Variants in CPNE1 observed in about 807,000 individuals in gnomAD.
CPNE1 encodes copine-1.
CPNE1 carries 58 observed loss-of-function variants against 63.2 expected under a neutral mutation model. The observed-to-expected ratio is 0.92, with a 90% CI of 0.74 to 1.14. The LOEUF is 1.14. Among genes scored for constraint, CPNE1 ranks in the 50% most tolerant of loss-of-function variants. The pLI is 0.00. For missense variants in CPNE1, 672 were observed against 661.7 expected (o/e 1.02, Z -0.17); for synonymous variants, 237 against 249.0 (o/e 0.95, Z 0.45).
chr20:35,647,735 AAACCC>A (rs1165989384), intron 1 of CPNE1, among the ~76,000 whole-genome samples: 1 of 152,052 alleles, frequency 6.6e-6, no homozygotes, highest in African/African-American at 2.4e-5. Flanking sequence ...CACCAAGAAT[AAACCC>A]AAGAACAGCA....
intron 1 of CPNE1, among the ~76,000 whole-genome samples, chr20:35,642,739 AC>A (rs1452834914): frequency 1.3e-5 from 2 of 152,194 alleles, no homozygotes; most frequent in African/African-American, 4.8e-5. Flanking sequence ...ATAAAACTAC[AC>A]ATTCCTTATT....
At chr20:35,657,662 G>A (rs147655407) in intron 1 of CPNE1, among the ~76,000 whole-genome samples, 29 of 152,300 alleles carry the variant, frequency 1.9e-4, no homozygotes, top group African/African-American at 5.5e-4. Flanking sequence ...ATCTGCCTCA[G>A]ATTACCAGCT....
intron 1 of CPNE1, chr20:35,652,665 C>T (rs1405054097): frequency 6.2e-7 from 1 of 1,614,082 alleles, no homozygotes; most frequent in Non-Finnish European, 8.5e-7. Flanking sequence ...ATTTTAAACA[C>T]ACTGAGCCTG....
intron 1 of CPNE1, among the ~76,000 whole-genome samples, chr20:35,641,148 T>C (rs1253775346): frequency 6.6e-6 from 1 of 152,202 alleles, no homozygotes; most frequent in African/African-American, 2.4e-5. Flanking sequence ...AACTTAAAAT[T>C]CACAAAATGT....
intron 1 of CPNE1, chr20:35,664,458 T>C (rs1007044721): frequency 6.6e-6 from 1 of 152,376 alleles, no homozygotes; most frequent in Non-Finnish European, 1.5e-5. Flanking sequence ...CAGTCCCCGT[T>C]AGCTCGCAGG....
intron 1 of CPNE1, among the ~76,000 whole-genome samples, chr20:35,633,859 T>C (rs1278127479): frequency 6.7e-6 from 1 of 149,696 alleles, no homozygotes; most frequent in African/African-American, 2.5e-5. Flanking sequence ...CTCAGGAGGC[T>C]GAGGCAGGAG....
Position 35,626,209 on chromosome 20 carries a change from G to C in CPNE1, c.*32C>G. 1.2e-6 allele frequency: 2 copies of C among 1,613,218 alleles called. No homozygotes were observed. Among genetic ancestry groups the C allele is most frequent in the South Asian group, 2.2e-5 (2 of 91,038 alleles). ...GCCCAGAGGGACCTCTGGGACACAG[G>C]ATTGAGGACTTGCCACAGCCTCCAA... On this transcript the variant is annotated 3_prime_UTR_variant, in exon 16 of 16. Coordinates refer to ENST00000397443, the MANE Select transcript of CPNE1 (RefSeq NM_152925.3).
chr20:35,655,180 G>A (rs1226014565), intron 1 of CPNE1: 3 of 1,613,992 alleles, frequency 1.9e-6, no homozygotes, highest in Non-Finnish European at 1.7e-6. Flanking sequence ...TTCATCAGTG[G>A]CAAAAACGAT....
chr20:35,631,821 C>T (rs1213444930), intron 6 of CPNE1, 44 bp from the exon 7 acceptor site: 3 of 1,566,018 alleles, frequency 1.9e-6, no homozygotes, highest in Admixed American at 1.7e-5. Flanking sequence ...TGGCATGGCC[C>T]CCTGAGGAGC....
At chr20:35,638,098 ATGGGGTCCTT>A (rs1555877450) in intron 1 of CPNE1, among the ~76,000 whole-genome samples, 1 of 152,166 alleles carries the variant, frequency 6.6e-6, no homozygotes, top group Non-Finnish European at 1.5e-5. Flanking sequence ...CCTGTAAACT[ATGGGGTCCTT>A]GAACTAGGGC....
intron 1 of CPNE1, among the ~76,000 whole-genome samples, chr20:35,639,447 C>A (rs2032678631): frequency 6.6e-6 from 1 of 152,168 alleles, no homozygotes. Flanking sequence ...AGCGATTCTC[C>A]CACTACAGCC....
chr20:35,626,305 C>A lies in CPNE1; in HGVS notation c.1550G>T (p.Gly517Val), dbSNP rs146046800. 95 of 1,613,938 alleles carry A rather than the reference C, an allele frequency of 5.9e-5. No individual in the cohort carries two copies. The African/African-American group carries it at 1.2e-3, about 20-fold the overall frequency. Reference sequence around the variant, plus strand: ...TGGAAGTGGCTTGAGCGGGGCCCAACCCTGGGCCCTGAAGTATGAGACCAG... The same window carrying A: ...TGGAAGTGGCTTGAGCGGGGCCCAAACCTGGGCCCTGAAGTATGAGACCAG... ...TQLVSYFRAQ[G>V]WAPLKPLPPS... is the part of the protein sequence containing the mutation. The change falls in exon 16 of 16, where the codon GGT becomes GTT. Residue 517 changes from glycine to valine, a missense_variant. Physicochemically the swap from Gly to Val is moderately radical, Grantham distance 109. Coordinates refer to ENST00000397443, the MANE Select transcript of CPNE1 (RefSeq NM_152925.3).
At chr20:35,643,210 C>A (rs2032911356) in intron 1 of CPNE1, 1 of 162,212 alleles carries the variant, frequency 6.2e-6, no homozygotes, top group Non-Finnish European at 1.5e-5. Context: ...GCTGATCTGG[C>A]TGACTAGGTG....
At chr20:35,653,074 G>C (rs1405486053) in intron 1 of CPNE1, 1 of 1,613,938 alleles carries the variant, frequency 6.2e-7, no homozygotes, top group Non-Finnish European at 8.5e-7. Context: ...ACCAGGCCTA[G>C]CATCACCAAA....
intron 1 of CPNE1, chr20:35,650,363 T>C (rs1414618176): frequency 2.6e-5 from 4 of 152,370 alleles, no homozygotes; most frequent in Non-Finnish European, 4.4e-5. Context: ...TGTACGAACA[T>C]ATAACCAAAA....
At chr20:35,656,270 G>A (rs2033891317) in intron 1 of CPNE1, among the ~76,000 whole-genome samples, 1 of 151,970 alleles carries the variant, frequency 6.6e-6, no homozygotes, top group South Asian at 2.1e-4. Context: ...GAATTACTCA[G>A]TGGTTGTTAC....
intron 1 of CPNE1, chr20:35,653,093 C>T: frequency 4.3e-6 from 7 of 1,613,878 alleles, no homozygotes; most frequent in Non-Finnish European, 5.9e-6. Context: ...AAGGCCCCGC[C>T]TCCTAATCCT....
intron 1 of CPNE1, chr20:35,654,802 G>T: frequency 6.2e-7 from 1 of 1,614,226 alleles, no homozygotes; most frequent in Non-Finnish European, 8.5e-7. Flanking sequence ...GCTTGGAACA[G>T]TTGAGCTAAA....
chr20:35,638,925 C>A (rs1326192997), intron 1 of CPNE1, among the ~76,000 whole-genome samples: 1 of 152,180 alleles, frequency 6.6e-6, no homozygotes, highest in Non-Finnish European at 1.5e-5. Context: ...GTTGTCCTCC[C>A]TTCTCCCCCA....
Sources: allele counts gnomAD v4.1 joint callset (sites outside exome capture counted in the v4.1 genomes callset), GRCh38; gene constraint gnomAD v4.1.1; transcripts MANE v1.5; gene names NCBI Gene and HGNC (gene_info 2026-07-23, HGNC 2026-07-21).